PPP1R10: variants seen among roughly 807,000 people sequenced by gnomAD.
PPP1R10 encodes serine/threonine-protein phosphatase 1 regulatory subunit 10.
A neutral mutation model predicts 99.0 loss-of-function variants in PPP1R10; 15 were observed. That is an observed-to-expected ratio of 0.15 (90% CI 0.10 to 0.23). The LOEUF (loss-of-function observed/expected upper bound fraction) is 0.23, where lower values mean the gene tolerates loss of function less well. Among genes scored for constraint, PPP1R10 ranks in the 10% least tolerant of loss-of-function variants. The pLI, the probability that PPP1R10 is intolerant of heterozygous loss-of-function variation, is 1.00. For synonymous variants in PPP1R10, 430 were observed against 449.5 expected, an observed-to-expected ratio of 0.96 and a Z score of 0.55; for missense variants, 947 against 1,259.4, an observed-to-expected ratio of 0.75 and a Z score of 3.75.
intron 10 of PPP1R10, 61 bp downstream of exon 10, chr6:30,605,860 CAA>C (rs9278740): frequency 0.051 from 57,285 of 1,131,760 alleles, no homozygotes; most frequent in South Asian, 0.061. Context: ...ACTCTGTCTC[CAA>C]AAAAAAAAAA....
intron 2 of PPP1R10, among the ~76,000 whole-genome samples, chr6:30,615,020 G>A (rs745796309): frequency 6.6e-6 from 1 of 152,130 alleles, no homozygotes; most frequent in Non-Finnish European, 1.5e-5. Context: ...GGTGGAGAGA[G>A]GAGGAAGAAA....
Position 30,609,778 on chromosome 6 carries a change from C to T in PPP1R10, c.107+60G>A. 7.0e-7 allele frequency: 1 copy of T among 1,436,922 alleles called. No homozygotes were observed. The allele number at this position is 1,436,922 out of a possible 1,614,324, so 89.0% of individuals were successfully genotyped here. A position where few individuals can be genotyped will look rare whatever the true frequency, so the allele number is the denominator to read the frequency against. ...CATTCCAGTGTGCCTCAACTGCAGC[C>T]ATGTTTTAACACACAATATTCTCTA... On this transcript the variant is annotated intron_variant, in intron 3 of 19. Coordinates refer to ENST00000376511, the MANE Select transcript of PPP1R10 (RefSeq NM_002714.4). The surrounding 1 kb of genome is among the most constrained non-coding windows in gnomAD (Gnocchi z 4.5).
rs1261882874 is a variant in PPP1R10, at chr6:30,604,032, T to G, written c.1484A>C (p.Gln495Pro). 1 of 1,606,350 alleles carries G rather than the reference T, an allele frequency of 6.2e-7. No homozygotes were observed. ...CCTCTCCTTGTTCAGGAAGAGCTCC[T>G]GAAGGATTCCCTTCTCCCGCTCAGC... is the stretch of plus-strand genomic sequence containing the variant. Reference protein sequence around the residue: ...IQAEREKGILQELFLNKESPH... With the variant: ...IQAEREKGILPELFLNKESPH... Residue 495 changes from glutamine (Q) to proline (P), a missense_variant, in exon 14 of 20, where the codon CAG becomes CCG. Physicochemically the swap from Gln to Pro is moderately conservative, Grantham distance 76. Coordinates refer to ENST00000376511, the MANE Select transcript of PPP1R10 (RefSeq NM_002714.4). The surrounding 1 kb of genome is among the most constrained non-coding windows in gnomAD (Gnocchi z 7.3).
At chr6:30,615,435 G>C (rs1422236312) in intron 2 of PPP1R10, among the ~76,000 whole-genome samples, 1 of 152,154 alleles carries the variant, frequency 6.6e-6, no homozygotes, top group Non-Finnish European at 1.5e-5. Context: ...AAAGGGGGAG[G>C]AAGGACTTGG....
chr6:30,609,083 A>G lies in PPP1R10; in HGVS notation c.188T>C (p.Leu63Ser). The change falls in exon 4 of 20, where the codon TTG becomes TCG. Residue 63 changes from leucine (L) to serine (S), a missense_variant. By Grantham distance (145) the Leu-to-Ser change is moderately radical. Transcript: ENST00000376511. This position sits in a 1 kb window ranked among gnomAD's most constrained non-coding sequence, Gnocchi z 4.5. ...ILLQTRSPEILVKFIDVGGYK... is the reference protein window; with the variant it reads ...ILLQTRSPEISVKFIDVGGYK... ...CATCCAGATCCCCACTTACTTGACC[A>G]ATATTTCTGGTGAACGGGTCTGCAG... is the stretch of plus-strand genomic sequence containing the variant. 6.2e-7 allele frequency: 1 copy of G among 1,614,068 alleles called. No homozygotes were observed. The highest frequency in any genetic ancestry group is 8.5e-7 in the Non-Finnish European group (1 of 1,180,020).
In PPP1R10 at chr6:30,606,111, T is replaced by C; in HGVS notation, c.740+27A>G. The C allele has an allele frequency of 1.9e-6, 3 of 1,613,386 alleles. No individual in the cohort carries two copies. The highest frequency in any genetic ancestry group is 2.2e-5 in the South Asian group (2 of 91,046). ...CCCTTGTGTCCACAGATCCACCCCATTCAGAGCCTGAGAATATGGTCCATA... is the reference window on the plus strand; with the variant it reads ...CCCTTGTGTCCACAGATCCACCCCACTCAGAGCCTGAGAATATGGTCCATA... On this transcript the variant is annotated intron_variant, in intron 9 of 19. Coordinates refer to ENST00000376511, the MANE Select transcript of PPP1R10 (RefSeq NM_002714.4). The surrounding 1 kb of genome is among the most constrained non-coding windows in gnomAD (Gnocchi z 6.3).
chr6:30,615,245 A>G (rs965481843), intron 2 of PPP1R10, among the ~76,000 whole-genome samples: 6 of 152,138 alleles, frequency 3.9e-5, no homozygotes, highest in African/African-American at 1.4e-4. Context: ...AAAAAAAAAA[A>G]AAAATCAAAA....
Position 30,606,024 on chromosome 6 carries a change from G to A in PPP1R10, c.752C>T (p.Ala251Val), listed in dbSNP as rs757515094. 1 of 1,614,014 alleles carries A rather than the reference G, an allele frequency of 6.2e-7. No homozygotes were observed. The change falls in exon 10 of 20, where the codon GCT (alanine) becomes GTT (valine). Residue 251 changes from alanine to valine, a missense_variant. Transcript: ENST00000376511. This position sits in a 1 kb window ranked among gnomAD's most constrained non-coding sequence, Gnocchi z 6.3. ...TGCAGGGGGAGTGGCATCTCCTGGA[G>A]CAGCTACGTTGCTGTCAGAAGAGGA... ...IPLKRQSNVA[A>V]PGDATPPAEK...
chr6:30,615,615 A>G (rs1039763789), intron 2 of PPP1R10, among the ~76,000 whole-genome samples: 2 of 152,244 alleles, frequency 1.3e-5, no homozygotes, highest in African/African-American at 4.8e-5. Flanking sequence ...CTAGCATTCA[A>G]TTGCACTAAA....
At position 30,606,460 on chromosome 6, in the gene PPP1R10, A is replaced by G. The variant is rs758556365; in HGVS notation, c.634+8T>C. On this transcript the variant is annotated splice_region_variant and intron_variant, in intron 8 of 19. Transcript: ENST00000376511. The surrounding 1 kb of genome is among the most constrained non-coding windows in gnomAD (Gnocchi z 6.3). ...ATGAACCCTCCAGAGGCCAGCCGCC[A>G]GTCTTACCAGTGGAACGGAACTTGG... 1 of 1,612,334 alleles carries G rather than the reference A, an allele frequency of 6.2e-7. No individual in the cohort carries two copies. The highest frequency in any genetic ancestry group is 8.5e-7 in the Non-Finnish European group (1 of 1,179,898).
rs1251652426 is a variant in PPP1R10, at chr6:30,600,667, T to G, written c.*882A>C. 1.3e-5 allele frequency: 2 copies of G among 152,460 alleles called. No individual in the cohort carries two copies. The highest frequency in any genetic ancestry group is 2.9e-5 in the Non-Finnish European group (2 of 68,016). The allele number at this position is 152,460 out of a possible 1,614,324, so 9.4% of individuals were successfully genotyped here. A position where few individuals can be genotyped will look rare whatever the true frequency, so the allele number is the denominator to read the frequency against. ...TGACAGGGTGAAGTACCTGGAAGCC[T>G]CCTTCACGCTGGCAAGGTTCCAGGT... On this transcript the variant is annotated 3_prime_UTR_variant, in exon 20 of 20. Transcript: ENST00000376511.
Position 30,604,471 on chromosome 6 carries a change from C to G in PPP1R10, c.1143G>C (p.Glu381Asp). 7 of 1,613,094 alleles carry G rather than the reference C, an allele frequency of 4.3e-6. No homozygotes were observed. Among genetic ancestry groups the G allele is most frequent in the Non-Finnish European group, 5.9e-6 (7 of 1,180,038 alleles). The change falls in exon 13 of 20, where the codon GAG becomes GAC. Residue 381 changes from glutamate to aspartate, a missense_variant. Transcript: ENST00000376511. This position sits in a 1 kb window ranked among gnomAD's most constrained non-coding sequence, Gnocchi z 7.3. ...EPGALDAKPV[E>D]SPGDPNQLTR... Reference sequence around the variant, plus strand: ...TCAGTTGGTTAGGATCTCCAGGACTCTCCACTGGCTTGGCATCCAGAGCTC... The same window carrying G: ...TCAGTTGGTTAGGATCTCCAGGACTGTCCACTGGCTTGGCATCCAGAGCTC...
In PPP1R10 at chr6:30,604,682, A is replaced by T. The variant is rs773288576; in HGVS notation, c.1008T>A (p.Ser336=). The change falls in exon 12 of 20, where the codon TCT becomes TCA. Residue 336 remains serine, a synonymous_variant. Transcript: ENST00000376511. The surrounding 1 kb of genome is among the most constrained non-coding windows in gnomAD (Gnocchi z 7.3). Reference sequence around the variant, plus strand: ...CAGAAGGTGGTGCTGGTTCTGGGGAAGAAGGTTTGGCTGTGCTTGGTTCTG... The same window carrying T: ...CAGAAGGTGGTGCTGGTTCTGGGGATGAAGGTTTGGCTGTGCTTGGTTCTG... ...TSTEPSTAKP[S]SPEPAPPSEA... is the part of the protein sequence containing the mutation. The T allele has an allele frequency of 6.2e-7, 1 of 1,613,114 alleles. No individual in the cohort carries two copies. Among genetic ancestry groups the T allele is most frequent in the Non-Finnish European group, 8.5e-7 (1 of 1,180,022 alleles).
chr6:30,608,299 TC>T (rs1334006630), intron 5 of PPP1R10, among the ~76,000 whole-genome samples: 3 of 143,772 alleles, frequency 2.1e-5, no homozygotes, highest in Non-Finnish European at 4.6e-5. Flanking sequence ...GCTGACACAT[TC>T]CTTTTTTTTT....
intron 15 of PPP1R10, 22 bp downstream of exon 15, chr6:30,603,755 CCAT>C: frequency 6.5e-7 from 1 of 1,544,284 alleles, no homozygotes; most frequent in Non-Finnish European, 8.7e-7. Flanking sequence ...ATCACAACTT[CCAT>C]CATCACAGAA....
At position 30,616,843 on chromosome 6, in the gene PPP1R10, T is replaced by A. The variant is rs1326853471; in HGVS notation, c.-377A>T. The stretch of plus-strand genomic sequence containing the variant: ...GCGTGGGCTGGTGGGGTGGGCAAGA[T>A]AGGTGGGAAGGGGCAGAAGACACAA... On this transcript the variant is annotated 5_prime_UTR_variant, in exon 2 of 20. Transcript: ENST00000376511. The A allele has an allele frequency of 2.6e-5, 4 of 152,202 alleles. No homozygotes were observed. Among genetic ancestry groups the A allele is most frequent in the African/African-American group, 7.2e-5 (3 of 41,414 alleles). The allele number at this position is 152,202 out of a possible 1,614,324, so 9.4% of individuals were successfully genotyped here.
At chr6:30,601,778 G>T (rs912878726) in intron 19 of PPP1R10, 120 bp from the exon 20 acceptor site, 4 of 1,324,390 alleles carry the variant, frequency 3.0e-6, no homozygotes, top group Admixed American at 4.3e-5. Context: ...GGGATTTGGG[G>T]GAAGGGCATA....
At chr6:30,605,653 A>G (rs17195488) in intron 10 of PPP1R10, among the ~76,000 whole-genome samples, 6,664 of 151,836 alleles carry the variant, frequency 0.044, 269 homozygotes, top group African/African-American at 0.11. Context: ...GAGGTCAGGA[A>G]ATCAAGACCA....
chr6:30,603,305 CA>C lies in PPP1R10; in HGVS notation c.1768-21del. 2 of 1,601,144 alleles carry C rather than the reference CA, an allele frequency of 1.2e-6. No individual in the cohort carries two copies. Among genetic ancestry groups the C allele is most frequent in the Non-Finnish European group, 1.7e-6 (2 of 1,168,240 alleles). On this transcript the variant is annotated intron_variant, in intron 16 of 19. Coordinates refer to ENST00000376511, the MANE Select transcript of PPP1R10 (RefSeq NM_002714.4). ...GCTACCCTGTGAGGATGTAAGAAGG[CA>C]AAGTCAACAGACAGAAAGGGTAACA...
Sources: gnomAD v4.1 joint callset for allele counts (sites outside exome capture counted in the v4.1 genomes callset) on GRCh38, gnomAD v4.1.1 for gene constraint, Gnocchi (gnomAD v3.1) non-coding constraint, MANE v1.5 for transcripts, NCBI Gene and HGNC (gene_info 2026-07-23, HGNC 2026-07-21) for gene names.